FRMD6: variants seen among roughly 807,000 people sequenced by gnomAD.
The protein encoded by FRMD6 is FERM domain-containing protein 6.
A neutral mutation model predicts 73.2 loss-of-function variants in FRMD6; 37 were observed. The observed-to-expected ratio is 0.51, with a 90% CI of 0.39 to 0.66. FRMD6 has a LOEUF of 0.66. Among genes scored for constraint, FRMD6 ranks in the 30% least tolerant of loss-of-function variants. FRMD6 has a pLI of 0.00. For missense variants in FRMD6, 714 were observed against 780.5 expected, an observed-to-expected ratio of 0.91 and a Z score of 1.02; for synonymous variants, 273 against 282.2, an observed-to-expected ratio of 0.97 and a Z score of 0.33.
At chr14:51,503,156 G>C (rs974170943) in intron 1 of FRMD6, among the ~76,000 whole-genome samples, 1 of 152,096 alleles carries the variant, frequency 6.6e-6, no homozygotes, top group African/African-American at 2.4e-5. Flanking sequence ...AGATAATTTG[G>C]CTTCCTCTCT....
the FRMD6 span, among the ~76,000 whole-genome samples, chr14:51,449,212 G>C: frequency 1.3e-5 from 2 of 152,280 alleles, no homozygotes; most frequent in African/African-American, 4.8e-5. Flanking sequence ...TTCCTGGAGT[G>C]TTTTTGGCAA....
chr14:51,613,664 C>G (rs1204159616), intron 2 of FRMD6, among the ~76,000 whole-genome samples: 1 of 151,938 alleles, frequency 6.6e-6, no homozygotes, highest in Non-Finnish European at 1.5e-5. Flanking sequence ...TGATTCAAGG[C>G]CCACTGAGAC....
chr14:51,541,764 G>T (rs1886211781), intron 1 of FRMD6, among the ~76,000 whole-genome samples: 1 of 152,094 alleles, frequency 6.6e-6, no homozygotes, highest in Non-Finnish European at 1.5e-5. Context: ...GAACAGAATT[G>T]TGACTCCAGA....
At chr14:51,583,885 A>G (rs146222783) in intron 2 of FRMD6, among the ~76,000 whole-genome samples, 18 of 152,306 alleles carry the variant, frequency 1.2e-4, no homozygotes, top group African/African-American at 3.6e-4. Flanking sequence ...CAAGAATAGC[A>G]GAAAGAGAAG....
At chr14:51,508,231 C>T (rs540562881) in intron 1 of FRMD6, among the ~76,000 whole-genome samples, 1 of 152,322 alleles carries the variant, frequency 6.6e-6, no homozygotes, top group Admixed American at 6.5e-5. Context: ...TGTCCTTCCC[C>T]CACCCACGGA....
chr14:51,678,647 C>A (rs1384561898), intron 1 of FRMD6, among the ~76,000 whole-genome samples: 2 of 152,070 alleles, frequency 1.3e-5, no homozygotes, highest in African/African-American at 4.8e-5. Context: ...CTATACAGAG[C>A]CAGTACTACC....
chr14:51,476,680 A>T, the FRMD6 span, among the ~76,000 whole-genome samples: 2 of 152,216 alleles, frequency 1.3e-5, no homozygotes, highest in African/African-American at 4.8e-5. Context: ...TTGAAGCAAG[A>T]CTACATATCC....
chr14:51,676,205 T>C (rs1374149575), intron 1 of FRMD6, among the ~76,000 whole-genome samples: 1 of 152,148 alleles, frequency 6.6e-6, no homozygotes, highest in Non-Finnish European at 1.5e-5. Context: ...AGTGCCAGTT[T>C]CTTAACCTGT....
the FRMD6 span, among the ~76,000 whole-genome samples, chr14:51,429,037 G>A: frequency 7.3e-6 from 1 of 136,466 alleles, no homozygotes; most frequent in African/African-American, 2.6e-5. Context: ...AGAGGGGAGA[G>A]AAAAGAAAAG....
chr14:51,686,583 G>A (rs973884236), intron 1 of FRMD6, among the ~76,000 whole-genome samples: 12 of 152,034 alleles, frequency 7.9e-5, no homozygotes, highest in Non-Finnish European at 1.8e-4. Flanking sequence ...TAAAGAGGCT[G>A]GGTGGGGTTT....
the FRMD6 span, among the ~76,000 whole-genome samples, chr14:51,401,200 C>G: frequency 1.3e-5 from 2 of 152,174 alleles, no homozygotes; most frequent in Admixed American, 1.3e-4. Flanking sequence ...TCCCTTTATC[C>G]TAAAACAATG....
intron 2 of FRMD6, among the ~76,000 whole-genome samples, chr14:51,583,086 G>T (rs138328896): frequency 6.6e-6 from 1 of 152,294 alleles, no homozygotes; most frequent in African/African-American, 2.4e-5. Flanking sequence ...AGTAGTGTCA[G>T]TAAATCCATT....
the FRMD6 span, among the ~76,000 whole-genome samples, chr14:51,468,237 G>A: frequency 2.7e-4 from 40 of 150,406 alleles, no homozygotes. Flanking sequence ...CGGAGATGGT[G>A]GCAGTACAGT....
At chr14:51,713,135 TTAA>T (rs1897038039) in intron 9 of FRMD6, among the ~76,000 whole-genome samples, 1 of 152,116 alleles carries the variant, frequency 6.6e-6, no homozygotes, top group Non-Finnish European at 1.5e-5. Context: ...AGAATTATAG[TTAA>T]TAATGTGTAC....
At chr14:51,418,625 C>T in the FRMD6 span, among the ~76,000 whole-genome samples, 3 of 152,230 alleles carry the variant, frequency 2.0e-5, no homozygotes, top group African/African-American at 4.8e-5. Context: ...TTAGGCTACA[C>T]GGGGGTCACG....
At chr14:51,667,603 G>T (rs1319789179) in intron 1 of FRMD6, among the ~76,000 whole-genome samples, 1 of 152,182 alleles carries the variant, frequency 6.6e-6, no homozygotes, top group African/African-American at 2.4e-5. Context: ...AGCTGCAGTG[G>T]TGCCATTTCT....
At chr14:51,591,173 G>A (rs150490982) in intron 2 of FRMD6, among the ~76,000 whole-genome samples, 3 of 152,222 alleles carry the variant, frequency 2.0e-5, no homozygotes, top group South Asian at 4.1e-4. Context: ...CAGGGCCAAG[G>A]CCAGTCCATA....
At chr14:51,723,572 G>T (rs1053988363) in intron 12 of FRMD6, among the ~76,000 whole-genome samples, 43 of 152,126 alleles carry the variant, frequency 2.8e-4, no homozygotes, top group African/African-American at 9.2e-4. Flanking sequence ...CCTGAGGTCA[G>T]GAGTTGGAGA....
At chr14:51,547,656 C>A (rs1196117685) in intron 1 of FRMD6, 1 of 152,122 alleles carries the variant, frequency 6.6e-6, no homozygotes, top group Non-Finnish European at 1.5e-5. Flanking sequence ...AACTTTCTTT[C>A]TTATAATATC....
Sources: gnomAD v4.1 joint callset for allele counts (sites outside exome capture counted in the v4.1 genomes callset) on GRCh38, gnomAD v4.1.1 for gene constraint, MANE v1.5 for transcripts, NCBI Gene and HGNC (gene_info 2026-07-23, HGNC 2026-07-21) for gene names.